The following COL4A3 variants were observed in gnomAD, a reference collection of about 807,000 sequenced individuals.
The protein encoded by COL4A3 is collagen alpha-3(IV) chain.
In COL4A3, 135 loss-of-function variants were observed where a neutral mutation model predicts 217.4. That is an observed-to-expected ratio of 0.62 (90% CI 0.54 to 0.72). COL4A3 has a LOEUF of 0.72. COL4A3 is among the 30% of genes least tolerant of loss of function. The probability of loss-of-function intolerance (pLI) is 0.00; values close to 1 mark genes in which losing one functional copy is unlikely to be tolerated. For missense variants in COL4A3, 1,868 were observed against 2,119.9 expected, an observed-to-expected ratio of 0.88 and a Z score of 2.33; for synonymous variants, 690 against 736.3, an observed-to-expected ratio of 0.94 and a Z score of 1.02.
At chr2:227,287,498 G>A (rs1248555434) in intron 34 of COL4A3, among the ~76,000 whole-genome samples, 1 of 151,844 alleles carries the variant, frequency 6.6e-6, no homozygotes. Context: ...GATTCAGCCT[G>A]AAAGCTGTAT....
chr2:227,190,995 ATCT>A (rs2066217380), intron 1 of COL4A3, among the ~76,000 whole-genome samples: 1 of 152,334 alleles, frequency 6.6e-6, no homozygotes, highest in South Asian at 2.1e-4. Flanking sequence ...TGTTTTTAGC[ATCT>A]TCTTCTAGCA....
chr2:227,306,024 C>T (rs943942294), intron 47 of COL4A3, among the ~76,000 whole-genome samples: 8 of 152,126 alleles, frequency 5.3e-5, no homozygotes, highest in Non-Finnish European at 1.5e-5. Context: ...TGCATAACTA[C>T]ATGTGATTTA....
intron 44 of COL4A3, 72 bp from the exon 45 acceptor site, chr2:227,303,787 A>G: frequency 7.0e-7 from 1 of 1,425,268 alleles, no homozygotes; most frequent in Non-Finnish European, 9.9e-7. Flanking sequence ...CCTTAGAGTC[A>G]ATCATCAACC....
chr2:227,273,333 A>G (rs1234734113), intron 26 of COL4A3, among the ~76,000 whole-genome samples: 3 of 152,222 alleles, frequency 2.0e-5, no homozygotes, highest in African/African-American at 7.2e-5. Flanking sequence ...ATTTCCTAGA[A>G]TATTCTATAT....
chr2:227,175,269 C>T (rs982328832), intron 1 of COL4A3, among the ~76,000 whole-genome samples: 5 of 152,080 alleles, frequency 3.3e-5, no homozygotes, highest in African/African-American at 9.7e-5. Context: ...GTCAGGAGTT[C>T]GAAACTAGCC....
chr2:227,310,387 G>A (rs1414903372), intron 50 of COL4A3, among the ~76,000 whole-genome samples: 1 of 152,182 alleles, frequency 6.6e-6, no homozygotes, highest in Non-Finnish European at 1.5e-5. Flanking sequence ...CTGCCTTCTG[G>A]CTCACTGCAA....
intron 1 of COL4A3, among the ~76,000 whole-genome samples, chr2:227,179,723 G>A (rs544379044): frequency 5.3e-5 from 8 of 152,164 alleles, no homozygotes; most frequent in Non-Finnish European, 1.2e-4. Flanking sequence ...AGTGCTACAC[G>A]CTGGGAACAA....
chr2:227,210,871 T>G (rs371264810), intron 1 of COL4A3, among the ~76,000 whole-genome samples: 2 of 47,784 alleles, frequency 4.2e-5, no homozygotes, highest in African/African-American at 8.2e-5. Context: ...TAGTTTCACC[T>G]GTTTGGGGGG....
At chr2:227,270,031 C>T in intron 24 of COL4A3, 51 bp downstream of exon 24, 4 of 1,483,284 alleles carry the variant, frequency 2.7e-6, no homozygotes, top group Non-Finnish European at 3.7e-6. Context: ...AAATTGCACA[C>T]TCTAGAAATA....
intron 1 of COL4A3, among the ~76,000 whole-genome samples, chr2:227,179,544 G>T (rs971184694): frequency 5.9e-5 from 9 of 152,178 alleles, no homozygotes; most frequent in Non-Finnish European, 1.2e-4. Flanking sequence ...TAATGTCACA[G>T]TTGGTATTTT....
At chr2:227,249,454 T>C (rs1559865440) in intron 9 of COL4A3, among the ~76,000 whole-genome samples, 1 of 150,982 alleles carries the variant, frequency 6.6e-6, no homozygotes, top group Non-Finnish European at 1.5e-5. Flanking sequence ...CAGGCTGGTC[T>C]CGAGCTCCCG....
intron 1 of COL4A3, among the ~76,000 whole-genome samples, chr2:227,224,708 T>C (rs2067992941): frequency 6.6e-6 from 1 of 151,618 alleles, no homozygotes; most frequent in Non-Finnish European, 1.5e-5. Context: ...TGAGCCGAGA[T>C]CATGCCATTG....
At chr2:227,176,509 C>T (rs1343058583) in intron 1 of COL4A3, among the ~76,000 whole-genome samples, 7 of 152,094 alleles carry the variant, frequency 4.6e-5, no homozygotes, top group Non-Finnish European at 7.4e-5. Flanking sequence ...AATTTTCTAG[C>T]GGTAGTTTTA....
At chr2:227,208,466 A>T (rs2067184806) in intron 1 of COL4A3, among the ~76,000 whole-genome samples, 1 of 152,062 alleles carries the variant, frequency 6.6e-6, no homozygotes, top group East Asian at 1.9e-4. Context: ...GGTCCAACCC[A>T]GTTGTACCAA....
intron 1 of COL4A3, among the ~76,000 whole-genome samples, chr2:227,179,233 G>A (rs958678727): frequency 1.3e-5 from 2 of 152,174 alleles, no homozygotes; most frequent in Non-Finnish European, 2.9e-5. Context: ...TTACAGGCAT[G>A]AGACATCGTG....
At chr2:227,175,533 T>C (rs2065646421) in intron 1 of COL4A3, among the ~76,000 whole-genome samples, 1 of 152,032 alleles carries the variant, frequency 6.6e-6, no homozygotes, top group African/African-American at 2.4e-5. Context: ...TAACATGAAA[T>C]TTTAAAAGCT....
Position 227,198,485 on chromosome 2 carries a change from A to C in COL4A3, c.87+33672A>C, listed in dbSNP as rs191845909. Among the ~76,000 whole-genome samples, 803 of 149,284 alleles carry C rather than the reference A, an allele frequency of 5.4e-3. 7 individuals are homozygous for C. Among genetic ancestry groups the C allele is most frequent in the African/African-American group, 0.019 (778 of 41,460 alleles). Reference sequence around the variant, plus strand: ...AATTAAGTTGAATATATTGTTATAAATACCTTATGTTATCACTTCAAATGA... The same window carrying C: ...AATTAAGTTGAATATATTGTTATAACTACCTTATGTTATCACTTCAAATGA... On this transcript the variant is annotated intron_variant, in intron 1 of 51. Coordinates refer to ENST00000396578, the MANE Select transcript of COL4A3 (RefSeq NM_000091.5).
intron 1 of COL4A3, among the ~76,000 whole-genome samples, chr2:227,230,768 A>T (rs7589575): frequency 0.32 from 48,519 of 151,850 alleles, 8,128 homozygotes; most frequent in Non-Finnish European, 0.36. Flanking sequence ...AATTAATATC[A>T]TGAGTCTTGA....
At chr2:227,246,199 T>C (rs1009623833) in intron 6 of COL4A3, 183 bp downstream of exon 6, 4 of 648,310 alleles carry the variant, frequency 6.2e-6, no homozygotes, top group Non-Finnish European at 1.1e-5. Context: ...GCTTTCTAAT[T>C]GTCTTTTAAG....
Sources: allele counts gnomAD v4.1 joint callset (sites outside exome capture counted in the v4.1 genomes callset), GRCh38; gene constraint gnomAD v4.1.1; transcripts MANE v1.5; gene names NCBI Gene and HGNC (gene_info 2026-07-23, HGNC 2026-07-21).